The following CHD1L variants were observed in gnomAD, a reference collection of about 807,000 sequenced individuals.
CHD1L encodes the protein chromodomain helicase DNA binding protein 1 like, also known as ATP-dependent chromatin remodeler CHD1L.
A neutral mutation model predicts 115.9 loss-of-function variants in CHD1L; 118 were observed. The observed-to-expected ratio is 1.02, with a 90% CI of 0.88 to 1.19. CHD1L has a LOEUF of 1.19. Ranked by LOEUF, CHD1L falls within the 50% of genes most tolerant of loss-of-function variation. The pLI is 0.00. For synonymous variants in CHD1L, 411 were observed against 387.1 expected, an observed-to-expected ratio of 1.06 and a Z score of -0.72; for missense variants, 1,179 against 1,065.3, an observed-to-expected ratio of 1.11 and a Z score of -1.49.
At chr1:147,279,090 T>C (rs1679790644) in intron 14 of CHD1L, among the ~76,000 whole-genome samples, 2 of 152,184 alleles carry the variant, frequency 1.3e-5, no homozygotes, top group Non-Finnish European at 2.9e-5. Context: ...ATCCTGGTTA[T>C]GTGTATGGAG....
At chr1:147,219,542 A>G in the CHD1L span, among the ~76,000 whole-genome samples, 1 of 152,160 alleles carries the variant, frequency 6.6e-6, no homozygotes. Context: ...AACAGTGAGA[A>G]ATTAGACACT....
At chr1:147,266,558 C>T (rs144208293) in intron 8 of CHD1L, among the ~76,000 whole-genome samples, 3 of 152,320 alleles carry the variant, frequency 2.0e-5, no homozygotes, top group African/African-American at 7.2e-5. Flanking sequence ...GACATGAATC[C>T]TCCTTTTGTT....
At chr1:147,285,287 T>G in intron 16 of CHD1L, 37 bp from the exon 17 acceptor site, 1 of 1,594,438 alleles carries the variant, frequency 6.3e-7, no homozygotes. Context: ...GGGAGGAATC[T>G]TCTTGACCCT....
At chr1:147,202,878 C>A in the CHD1L span, among the ~76,000 whole-genome samples, 1 of 152,120 alleles carries the variant, frequency 6.6e-6, no homozygotes, top group Non-Finnish European at 1.5e-5. Context: ...TATCTGGTCA[C>A]CAAGCCTTTT....
chr1:147,273,623 A>G (rs913638447), intron 12 of CHD1L, among the ~76,000 whole-genome samples: 2 of 152,164 alleles, frequency 1.3e-5, no homozygotes, highest in Non-Finnish European at 2.9e-5. Flanking sequence ...CTGCCGGGAA[A>G]ACAGTTTTAT....
At chr1:147,203,605 C>G in the CHD1L span, 4 of 1,167,640 alleles carry the variant, frequency 3.4e-6, no homozygotes, top group Non-Finnish European at 5.2e-6. Context: ...CTTCAAACGC[C>G]TCAGCAAACT....
intron 7 of CHD1L, among the ~76,000 whole-genome samples, chr1:147,265,319 A>G (rs1217236185): frequency 2.6e-5 from 4 of 152,218 alleles, no homozygotes; most frequent in Non-Finnish European, 5.9e-5. Context: ...CAAATGCATG[A>G]CATACTTGTA....
chr1:147,231,312 C>T, the CHD1L span, among the ~76,000 whole-genome samples: 16 of 152,212 alleles, frequency 1.1e-4, no homozygotes, highest in South Asian at 8.3e-4. Flanking sequence ...TGTAGTGGAG[C>T]GGTTTTGAGT....
chr1:147,280,141 C>G lies in CHD1L; in HGVS notation c.1655C>G (p.Ser552Cys). The change falls in exon 15 of 23, where the codon TCT becomes TGT. Residue 552 changes from serine (S) to cysteine (C), a missense_variant. By Grantham distance (112) the Ser-to-Cys change is moderately radical (BLOSUM62 -1). Transcript: ENST00000369258. The part of the protein sequence containing the change: ...LGETKDGQWV[S>C]DALPAAEGGS... ...GAAACAAAAGATGGCCAGTGGGTCTCTGATGCCTTGCCTGCAGCAGAAGGA... is the reference window on the plus strand; with the variant it reads ...GAAACAAAAGATGGCCAGTGGGTCTGTGATGCCTTGCCTGCAGCAGAAGGA... The G allele has an allele frequency of 6.2e-7, 1 of 1,613,172 alleles. No homozygotes were observed. The highest frequency in any genetic ancestry group is 1.7e-5 in the Admixed American group (1 of 59,884).
chr1:147,285,445 A>G lies in CHD1L; in HGVS notation c.1976A>G (p.Glu659Gly), dbSNP rs782510204. The change falls in exon 17 of 23, where the codon GAG becomes GGG. Residue 659 changes from glutamate to glycine, a missense_variant. By Grantham distance (98) the Glu-to-Gly change is moderately conservative (BLOSUM62 -2). Coordinates refer to ENST00000369258, the MANE Select transcript of CHD1L (RefSeq NM_004284.6). ...EAAAKRRRLI[E>G]EKKRQKEEAE... Reference sequence around the variant, plus strand: ...GCTGCCAAGAGAAGGAGACTCATAGAGGAGAAGAAGAGGCAAAAGGAAGAG... The same window carrying G: ...GCTGCCAAGAGAAGGAGACTCATAGGGGAGAAGAAGAGGCAAAAGGAAGAG... 6.2e-7 allele frequency: 1 copy of G among 1,613,714 alleles called. No individual in the cohort carries two copies. Among genetic ancestry groups the G allele is most frequent in the Non-Finnish European group, 8.5e-7 (1 of 1,179,926 alleles).
chr1:147,212,136 A>G, the CHD1L span, among the ~76,000 whole-genome samples: 1 of 152,234 alleles, frequency 6.6e-6, no homozygotes, highest in Non-Finnish European at 1.5e-5. Flanking sequence ...TAGGATAATG[A>G]GCCCAGACTT....
the CHD1L span, chr1:147,190,205 A>G: frequency 6.2e-7 from 1 of 1,611,790 alleles, no homozygotes. Flanking sequence ...TGAGCTTTAG[A>G]TATTTCTGCC....
chr1:147,264,667 A>C (rs1673206693), intron 7 of CHD1L, 83 bp downstream of exon 7: 7 of 1,447,404 alleles, frequency 4.8e-6, no homozygotes, highest in Non-Finnish European at 6.6e-6. Context: ...GGTAGAAAAG[A>C]AGGAGAATTG....
Position 147,270,979 on chromosome 1 carries a change from T to G in CHD1L, c.1133T>G (p.Ile378Ser). ...TCCCAAATGACCCAGATGTTGGATA[T>G]TCTCCAAGACTATATGGATTACAGA... ...LFSQMTQMLDILQDYMDYRGY... is the reference protein window; with the variant it reads ...LFSQMTQMLDSLQDYMDYRGY... The change falls in exon 11 of 23, where the codon ATT becomes AGT. Residue 378 changes from isoleucine (I) to serine (S), a missense_variant. Transcript: ENST00000369258. The G allele has an allele frequency of 6.2e-7, 1 of 1,614,108 alleles. No individual in the cohort carries two copies. Among genetic ancestry groups the G allele is most frequent in the South Asian group, 1.1e-5 (1 of 91,078 alleles).
At chr1:147,258,123 T>C (rs1197811794) in intron 5 of CHD1L, among the ~76,000 whole-genome samples, 1 of 152,194 alleles carries the variant, frequency 6.6e-6, no homozygotes, top group Admixed American at 6.5e-5. Flanking sequence ...AGATTTATTA[T>C]GGAGAGTTAA....
At chr1:147,231,306 G>T in the CHD1L span, among the ~76,000 whole-genome samples, 15 of 152,288 alleles carry the variant, frequency 9.8e-5, no homozygotes, top group Admixed American at 8.5e-4. Context: ...TTTCCATGTA[G>T]TGGAGCGGTT....
Position 147,252,661 on chromosome 1 carries a change from T to C in CHD1L, c.166T>C (p.Trp56Arg), listed in dbSNP as rs782383196. ...CTCTTACCAGCTGGAGGGAGTAAAC[T>C]GGCTCGCCCAGCGCTTCCATTGTCA... Reference protein sequence around the residue: ...LRSYQLEGVNWLAQRFHCQNG... With the variant: ...LRSYQLEGVNRLAQRFHCQNG... Residue 56 changes from tryptophan to arginine, a missense_variant, in exon 2 of 23, where the codon TGG becomes CGG. By Grantham distance (101) the Trp-to-Arg change is moderately radical. Coordinates refer to ENST00000369258, the MANE Select transcript of CHD1L (RefSeq NM_004284.6). 15 of 1,614,092 alleles carry C rather than the reference T, an allele frequency of 9.3e-6. No homozygotes were observed. Among genetic ancestry groups the C allele is most frequent in the Non-Finnish European group, 1.3e-5 (15 of 1,179,998 alleles).
chr1:147,268,244 C>G (rs1350817307), intron 9 of CHD1L, among the ~76,000 whole-genome samples: 1 of 152,144 alleles, frequency 6.6e-6, no homozygotes, highest in Non-Finnish European at 1.5e-5. Context: ...TTTCTTCATA[C>G]TGGGGCTTTT....
the CHD1L span, chr1:147,225,364 T>G: frequency 3.9e-6 from 1 of 257,858 alleles, no homozygotes; most frequent in South Asian, 6.2e-5. Context: ...GTCAAATTAC[T>G]ATAAACCAAC....
Sources: gnomAD v4.1 joint callset for allele counts (sites outside exome capture counted in the v4.1 genomes callset) on GRCh38, gnomAD v4.1.1 for gene constraint, MANE v1.5 for transcripts, NCBI Gene and HGNC (gene_info 2026-07-23, HGNC 2026-07-21) for gene names.